Variants in WDR27 observed in about 807,000 individuals in gnomAD.
WDR27 encodes WD repeat-containing protein 27.
A neutral mutation model predicts 114.4 loss-of-function variants in WDR27; 100 were observed. The observed-to-expected ratio is 0.87, with a 90% CI of 0.74 to 1.03. The LOEUF is 1.03. Among genes scored for constraint, WDR27 ranks in the 50% least tolerant of loss-of-function variants. The probability of loss-of-function intolerance (pLI) is 0.00; values close to 1 mark genes in which losing one functional copy is unlikely to be tolerated. For synonymous variants in WDR27, 449 were observed against 423.1 expected (o/e 1.06, Z -0.75); for missense variants, 1,129 against 1,092.9 (o/e 1.03, Z -0.47).
the WDR27 span, among the ~76,000 whole-genome samples, chr6:169,430,196 A>G: frequency 6.6e-6 from 1 of 152,206 alleles, no homozygotes; most frequent in East Asian, 1.9e-4. Context: ...TGCAAGGGAA[A>G]CTTTGGTTCA....
At chr6:169,435,452 C>A in the WDR27 span, among the ~76,000 whole-genome samples, 1 of 152,200 alleles carries the variant, frequency 6.6e-6, no homozygotes, top group African/African-American at 2.4e-5. Flanking sequence ...ATGAAAGCAG[C>A]TGGGAGGAAG....
chr6:169,500,614 G>A lies in WDR27; in HGVS notation c.2646-42980C>T, dbSNP rs536287836. Among the ~76,000 whole-genome samples the A allele has an allele frequency of 2.7e-4, 41 of 152,278 alleles. No homozygotes were observed. In the South Asian group the frequency reaches 2.7e-3, roughly 10 times the overall value. ...CGCGTGAGTGCTGCAGGGTGGAGGA[G>A]GGGCAATGAGTACCCAGGACCTGCC... On this transcript the variant is annotated intron_variant, in intron 25 of 25. Coordinates refer to ENST00000448612, the MANE Select transcript of WDR27 (RefSeq NM_182552.5).
At chr6:169,553,725 A>C (rs959440890) in intron 25 of WDR27, among the ~76,000 whole-genome samples, 1 of 152,220 alleles carries the variant, frequency 6.6e-6, no homozygotes, top group Non-Finnish European at 1.5e-5. Flanking sequence ...TAACATGCTT[A>C]AGGAGATACT....
intron 25 of WDR27, among the ~76,000 whole-genome samples, chr6:169,481,723 A>G (rs1788148291): frequency 6.6e-6 from 1 of 151,942 alleles, no homozygotes; most frequent in Non-Finnish European, 1.5e-5. Context: ...AGAGATGAAC[A>G]ACTCCAGACG....
At chr6:169,585,108 C>A (rs1584399301) in intron 23 of WDR27, among the ~76,000 whole-genome samples, 1 of 152,074 alleles carries the variant, frequency 6.6e-6, no homozygotes, top group Non-Finnish European at 1.5e-5. Context: ...GATTTCTGCA[C>A]ACAAAAGAAT....
chr6:169,556,390 C>T (rs1031787005), intron 25 of WDR27, among the ~76,000 whole-genome samples: 15 of 152,276 alleles, frequency 9.9e-5, no homozygotes, highest in African/African-American at 3.6e-4. Context: ...CCAGCTCCCC[C>T]GAACCCTGAC....
At chr6:169,576,066 G>A (rs1303159126) in intron 24 of WDR27, among the ~76,000 whole-genome samples, 4 of 152,096 alleles carry the variant, frequency 2.6e-5, no homozygotes, top group Admixed American at 1.3e-4. Context: ...TTGGAGTAAC[G>A]GGCCTGCTTT....
At chr6:169,641,334 T>A (rs544677314) in intron 17 of WDR27, among the ~76,000 whole-genome samples, 90 of 114,926 alleles carry the variant, frequency 7.8e-4, no homozygotes, top group Middle Eastern at 4.3e-3. Flanking sequence ...CGGGAGCCAA[T>A]CCCCACGAAG....
chr6:169,444,793 C>T, the WDR27 span, among the ~76,000 whole-genome samples: 3 of 152,020 alleles, frequency 2.0e-5, no homozygotes, highest in Non-Finnish European at 2.9e-5. Flanking sequence ...TATACAGGGG[C>T]CTCTGTCATT....
At chr6:169,458,821 A>C (rs978052733) in intron 25 of WDR27, among the ~76,000 whole-genome samples, 1 of 152,040 alleles carries the variant, frequency 6.6e-6, no homozygotes, top group Non-Finnish European at 1.5e-5. Flanking sequence ...AAAAGAAAAC[A>C]AAAGAAAGTG....
At chr6:169,546,407 T>C (rs73792931) in intron 25 of WDR27, among the ~76,000 whole-genome samples, 2,487 of 152,236 alleles carry the variant, frequency 0.016, 63 homozygotes, top group African/African-American at 0.057. Flanking sequence ...TGGTACACTG[T>C]CAGCCTCCAC....
Position 169,659,144 on chromosome 6 carries a change from C to A in WDR27, c.1261G>T (p.Ala421Ser). The A allele has an allele frequency of 6.2e-7, 1 of 1,611,440 alleles. No individual in the cohort carries two copies. The highest frequency in any genetic ancestry group is 2.2e-5 in the East Asian group (1 of 44,824). Residue 421 changes from alanine (A) to serine (S), a missense_variant, in exon 12 of 26, where the codon GCG (alanine) becomes TCG (serine). Ala to Ser is a moderately conservative substitution (Grantham distance 99). Transcript: ENST00000448612. The surrounding 1 kb of genome is among the most constrained non-coding windows in gnomAD (Gnocchi z 4.3). ...GGGCACTGCTGAGCCCTGACTAGCG[C>A]GGCCGGGTTGATCTCCAACACGGCA... Reference protein sequence around the residue: ...KIAVLEINPAALVRAQQCPSM... With the variant: ...KIAVLEINPASLVRAQQCPSM...
At chr6:169,499,665 C>T (rs1790875999) in intron 25 of WDR27, among the ~76,000 whole-genome samples, 1 of 152,208 alleles carries the variant, frequency 6.6e-6, no homozygotes, top group African/African-American at 2.4e-5. Flanking sequence ...CTGATAAAGC[C>T]CTGGAGCTGC....
chr6:169,610,688 C>T lies in WDR27; in HGVS notation c.2321+2871G>A, dbSNP rs72503857. Among the ~76,000 whole-genome samples, 80 of 152,236 alleles carry T rather than the reference C, an allele frequency of 5.3e-4. 1 individual carries two copies. In the East Asian group the frequency reaches 0.015, roughly 28 times the overall value. The stretch of plus-strand genomic sequence containing the variant: ...GAAAAAAGAAAATGTGGTATATAGA[C>T]ACCATGAAATACTACTACTCAGCCA... On this transcript the variant is annotated intron_variant, in intron 22 of 25. Coordinates refer to ENST00000448612, the MANE Select transcript of WDR27 (RefSeq NM_182552.5).
chr6:169,595,026 C>T (rs2128159999), intron 23 of WDR27, among the ~76,000 whole-genome samples: 1 of 152,286 alleles, frequency 6.6e-6, no homozygotes, highest in Non-Finnish European at 1.5e-5. Flanking sequence ...ATGAGCCAGG[C>T]TGGGTGGCAT....
chr6:169,479,351 C>G (rs921532099), intron 25 of WDR27, among the ~76,000 whole-genome samples: 1 of 152,030 alleles, frequency 6.6e-6, no homozygotes, highest in African/African-American at 2.4e-5. Flanking sequence ...CATCTCATAC[C>G]AATCAGAATG....
At chr6:169,638,446 C>T (rs1818287620) in intron 18 of WDR27, 93 bp downstream of exon 18, 1 of 1,490,808 alleles carries the variant, frequency 6.7e-7, no homozygotes, top group Non-Finnish European at 9.0e-7. Flanking sequence ...CGTCCCTTTC[C>T]TCATCTCCTG....
At chr6:169,540,685 C>T (rs937228684) in intron 25 of WDR27, among the ~76,000 whole-genome samples, 2 of 152,120 alleles carry the variant, frequency 1.3e-5, no homozygotes, top group Non-Finnish European at 2.9e-5. Flanking sequence ...CCACCTTGGC[C>T]TCCCAAAGTG....
intron 25 of WDR27, among the ~76,000 whole-genome samples, chr6:169,544,075 C>A (rs188295393): frequency 3.0e-4 from 46 of 152,216 alleles, no homozygotes; most frequent in Non-Finnish European, 6.0e-4. Context: ...ATAAACTCAG[C>A]AATTCAGGAA....
Sources: gnomAD v4.1 joint callset for allele counts (sites outside exome capture counted in the v4.1 genomes callset) on GRCh38, gnomAD v4.1.1 for gene constraint, Gnocchi (gnomAD v3.1) non-coding constraint, MANE v1.5 for transcripts, NCBI Gene and HGNC (gene_info 2026-07-23, HGNC 2026-07-21) for gene names.